The following HIVEP3 variants were observed in gnomAD, a reference collection of about 807,000 sequenced individuals.
HIVEP3 encodes the protein HIVEP zinc finger 3.
In HIVEP3, 49 loss-of-function variants were observed where a neutral mutation model predicts 152.8. The ratio of observed to expected loss-of-function variants is 0.32; its 90% CI spans 0.26 to 0.41. HIVEP3 has a LOEUF of 0.41. HIVEP3 is among the 10% of genes least tolerant of loss of function. The pLI is 1.00. For missense variants in HIVEP3, 2,790 were observed against 3,103.3 expected, an observed-to-expected ratio of 0.90 and a Z score of 2.40; for synonymous variants, 1,269 against 1,289.0, an observed-to-expected ratio of 0.98 and a Z score of 0.33.
chr1:41,600,944 G>A (rs1172341816), intron 3 of HIVEP3, among the ~76,000 whole-genome samples: 1 of 152,120 alleles, frequency 6.6e-6, no homozygotes. Flanking sequence ...TTTTATGTAA[G>A]ATAAGAATCC....
At chr1:41,973,800 T>C (rs1016236097) in intron 1 of HIVEP3, among the ~76,000 whole-genome samples, 2 of 152,124 alleles carry the variant, frequency 1.3e-5, no homozygotes, top group Non-Finnish European at 2.9e-5. Flanking sequence ...AAGACTATCA[T>C]GAGGCCCCAG....
At position 41,599,408 on chromosome 1, in the gene HIVEP3, G is replaced by A. The variant is rs1221921900; in HGVS notation, c.-521-14090C>T. Among the ~76,000 whole-genome samples, 4 of 152,122 alleles carry A rather than the reference G, an allele frequency of 2.6e-5. No individual in the cohort carries two copies. In the East Asian group the frequency reaches 5.8e-4, roughly 22 times the overall value. ...AATCACATAATCATAAAGGAGAGAA[G>A]CTAAATTGTGCTTCATTAAAATTTA... On this transcript the variant is annotated intron_variant, in intron 3 of 8. Transcript: ENST00000372583.
chr1:42,024,861 G>C (rs1332356537), intron 1 of HIVEP3, among the ~76,000 whole-genome samples: 2 of 152,124 alleles, frequency 1.3e-5, no homozygotes, highest in Admixed American at 6.6e-5. Flanking sequence ...ATTCTTGAAA[G>C]GTACTTTGTG....
intron 3 of HIVEP3, among the ~76,000 whole-genome samples, chr1:41,598,226 C>G (rs1644694609): frequency 6.6e-6 from 1 of 152,182 alleles, no homozygotes; most frequent in Non-Finnish European, 1.5e-5. Flanking sequence ...GACCCAAATT[C>G]CACATTTGCT....
intron 1 of HIVEP3, among the ~76,000 whole-genome samples, chr1:41,774,698 T>C (rs914053014): frequency 3.9e-5 from 6 of 152,206 alleles, no homozygotes; most frequent in Non-Finnish European, 7.3e-5. Context: ...TAGAGTAAGA[T>C]GAGATCTTAG....
At position 41,582,701 on chromosome 1, in the gene HIVEP3, C is replaced by T; in HGVS notation, c.2097G>A (p.Met699Ile). 1 of 1,614,138 alleles carries T rather than the reference C, an allele frequency of 6.2e-7. No homozygotes were observed. Among genetic ancestry groups the T allele is most frequent in the South Asian group, 1.1e-5 (1 of 91,080 alleles). ...QIEHEPWSQM[M>I]HYKLGTTLEL... The stretch of plus-strand genomic sequence containing the variant: ...CCAGGGTGGTTCCCAGTTTGTAATG[C>T]ATCATTTGGGACCACGGCTCATGCT... Residue 699 changes from methionine to isoleucine, a missense_variant, in exon 4 of 9, where the codon ATG becomes ATA. By Grantham distance (10) the Met-to-Ile change is conservative (BLOSUM62 1). Around this residue, in one of 9 missense-constraint regions of HIVEP3, gnomAD observed 339 missense variants for 327.0 expected, o/e 1.04. Transcript: ENST00000372583. This position sits in a 1 kb window ranked among gnomAD's most constrained non-coding sequence, Gnocchi z 4.7.
At chr1:41,939,589 G>A (rs536140381) in intron 1 of HIVEP3, among the ~76,000 whole-genome samples, 13 of 152,212 alleles carry the variant, frequency 8.5e-5, no homozygotes, top group African/African-American at 2.6e-4. Flanking sequence ...AGAGCTCCAC[G>A]ATTCTGTCTC....
chr1:41,700,973 G>A lies in HIVEP3; in HGVS notation c.-778C>T. ...GATGTGTCAGAGATTTCTAGAGCTT[G>A]GAGAACTGTGTTGGAGGGAGGCCTG... On this transcript the variant is annotated 5_prime_UTR_variant, in exon 2 of 9. An upstream open reading frame in the 5' UTR gains an earlier in-frame stop. Transcript: ENST00000372583. The A allele has an allele frequency of 1.0e-6, 1 of 985,224 alleles. No homozygotes were observed. Among genetic ancestry groups the A allele is most frequent in the East Asian group, 1.1e-4 (1 of 8,828 alleles). 61.0% of individuals were successfully genotyped at this position (985,224 alleles called of 1,614,324 possible).
At chr1:41,807,595 C>A (rs1650711414) in intron 1 of HIVEP3, among the ~76,000 whole-genome samples, 1 of 152,160 alleles carries the variant, frequency 6.6e-6, no homozygotes, top group Admixed American at 6.5e-5. Flanking sequence ...CAGCCTGTCA[C>A]CTCCAGCAAG....
At chr1:41,827,989 A>G (rs1469954003) in intron 1 of HIVEP3, among the ~76,000 whole-genome samples, 3 of 152,198 alleles carry the variant, frequency 2.0e-5, no homozygotes, top group Admixed American at 2.0e-4. Flanking sequence ...CTCCTAGGAC[A>G]GCTCTCTGGC....
At chr1:41,575,507 A>G in intron 5 of HIVEP3, 37 bp downstream of exon 5, 1 of 1,606,668 alleles carries the variant, frequency 6.2e-7, no homozygotes, top group Non-Finnish European at 8.5e-7. Context: ...CTCTTATTCC[A>G]CGGAAGCAGA....
chr1:41,905,944 T>C (rs1644702578), intron 1 of HIVEP3, among the ~76,000 whole-genome samples: 1 of 152,170 alleles, frequency 6.6e-6, no homozygotes, highest in Non-Finnish European at 1.5e-5. Flanking sequence ...ATGTGAGTGT[T>C]CGTGGCAGCT....
chr1:42,008,151 G>C (rs1298095586), intron 1 of HIVEP3, among the ~76,000 whole-genome samples: 1 of 150,566 alleles, frequency 6.6e-6, no homozygotes, highest in African/African-American at 2.5e-5. Context: ...ATGATGGAAT[G>C]TACAGAACCA....
intron 1 of HIVEP3, among the ~76,000 whole-genome samples, chr1:41,823,458 C>A (rs1642666387): frequency 6.6e-6 from 1 of 152,212 alleles, no homozygotes; most frequent in Non-Finnish European, 1.5e-5. Context: ...CAGATAAGAA[C>A]CCAGTTCATC....
At chr1:41,575,741 A>G (rs764382480) in intron 4 of HIVEP3, 52 bp from the exon 5 acceptor site, 4 of 1,587,992 alleles carry the variant, frequency 2.5e-6, no homozygotes, top group Middle Eastern at 1.7e-4. Flanking sequence ...GTGCATCCTC[A>G]GTCACGAATG....
At chr1:41,913,240 G>C (rs891992010) in intron 1 of HIVEP3, among the ~76,000 whole-genome samples, 1 of 152,246 alleles carries the variant, frequency 6.6e-6, no homozygotes, top group Non-Finnish European at 1.5e-5. Context: ...AAGAGCCTAT[G>C]CAAATATTTC....
At chr1:41,708,724 T>C (rs1324260081) in intron 1 of HIVEP3, among the ~76,000 whole-genome samples, 1 of 152,252 alleles carries the variant, frequency 6.6e-6, no homozygotes, top group Admixed American at 6.5e-5. Flanking sequence ...TAATGGTTTC[T>C]GAGAGGAACA....
At chr1:41,543,310 G>A (rs1379998223) in intron 5 of HIVEP3, 2 of 152,370 alleles carry the variant, frequency 1.3e-5, no homozygotes, top group East Asian at 3.9e-4. Flanking sequence ...CAGATGGACA[G>A]ATGGTTTTCA....
At chr1:41,538,381 G>A (rs1486704873) in intron 5 of HIVEP3, among the ~76,000 whole-genome samples, 1 of 152,158 alleles carries the variant, frequency 6.6e-6, no homozygotes, top group East Asian at 1.9e-4. Context: ...GGGAGAGTGG[G>A]TCAAGGATGC....
Sources: allele counts gnomAD v4.1 joint callset (sites outside exome capture counted in the v4.1 genomes callset), GRCh38; gene constraint gnomAD v4.1.1; regional missense constraint gnomAD v4.1.1; non-coding constraint Gnocchi (gnomAD v3.1); transcripts MANE v1.5; gene names NCBI Gene and HGNC (gene_info 2026-07-23, HGNC 2026-07-21).